Variants in SLC4A10 observed in about 807,000 individuals in gnomAD.
SLC4A10 encodes sodium-driven chloride bicarbonate exchanger.
Under a neutral mutation model 137.7 loss-of-function variants are expected in SLC4A10, and 42 were observed. That is an observed-to-expected ratio of 0.30 (90% CI 0.24 to 0.39). The LOEUF is 0.39. Among genes scored for constraint, SLC4A10 ranks in the 10% least tolerant of loss-of-function variants. The pLI is 1.00. For synonymous variants in SLC4A10, 474 were observed against 464.1 expected, an observed-to-expected ratio of 1.02 and a Z score of -0.27; for missense variants, 925 against 1,355.0, an observed-to-expected ratio of 0.68 and a Z score of 4.98.
chr2:161,651,407 T>G (rs1432438383), intron 1 of SLC4A10: 3 of 152,286 alleles, frequency 2.0e-5, no homozygotes, highest in African/African-American at 7.2e-5. Context: ...GACAAGAACT[T>G]GAGACCCGCC....
chr2:161,736,220 A>G (rs919811876), intron 1 of SLC4A10, among the ~76,000 whole-genome samples: 1 of 152,122 alleles, frequency 6.6e-6, no homozygotes, highest in African/African-American at 2.4e-5. Flanking sequence ...TTTTAAAGCA[A>G]TGACTCTTAC....
At chr2:161,859,060 C>T (rs900621645) in intron 5 of SLC4A10, among the ~76,000 whole-genome samples, 4 of 151,992 alleles carry the variant, frequency 2.6e-5, no homozygotes, top group Non-Finnish European at 4.4e-5. Flanking sequence ...TATCATATTC[C>T]CCCCCACCTC....
intron 2 of SLC4A10, among the ~76,000 whole-genome samples, chr2:161,776,377 A>G (rs116827876): frequency 2.4e-4 from 37 of 152,006 alleles, no homozygotes; most frequent in African/African-American, 8.2e-4. Context: ...TCTGCCCCCA[A>G]TTCCTGTCAA....
intron 1 of SLC4A10, among the ~76,000 whole-genome samples, chr2:161,654,331 C>T (rs6758760): frequency 0.79 from 120,080 of 152,126 alleles, 47,708 homozygotes; most frequent in East Asian, 0.85. Context: ...GTGTAGGTTG[C>T]GTTTTCACTC....
At chr2:161,682,715 G>C (rs775468227) in intron 1 of SLC4A10, among the ~76,000 whole-genome samples, 47 of 152,076 alleles carry the variant, frequency 3.1e-4, no homozygotes, top group Non-Finnish European at 6.3e-4. Context: ...GCTGGGGTCA[G>C]ATGAAAAGCT....
chr2:161,956,091 C>A (rs1197433202), intron 19 of SLC4A10, among the ~76,000 whole-genome samples: 1 of 152,068 alleles, frequency 6.6e-6, no homozygotes, highest in African/African-American at 2.4e-5. Flanking sequence ...CTAATGAGTA[C>A]AAAAGAAACA....
chr2:161,939,189 G>T (rs545923188), intron 15 of SLC4A10, among the ~76,000 whole-genome samples: 2 of 152,074 alleles, frequency 1.3e-5, no homozygotes, highest in Non-Finnish European at 2.9e-5. Context: ...TGATTCTCCT[G>T]CCTCAGCCTC....
chr2:161,734,810 C>G (rs987354437), intron 1 of SLC4A10, among the ~76,000 whole-genome samples: 1 of 151,932 alleles, frequency 6.6e-6, no homozygotes, highest in Non-Finnish European at 1.5e-5. Flanking sequence ...TGCCTCCACC[C>G]GAATCATATC....
intron 2 of SLC4A10, among the ~76,000 whole-genome samples, chr2:161,787,597 A>G (rs1184596676): frequency 6.6e-6 from 1 of 152,078 alleles, no homozygotes; most frequent in Non-Finnish European, 1.5e-5. Context: ...CATCTTTCTC[A>G]AATATTTTGT....
At chr2:161,975,620 A>T (rs950967073) in intron 24 of SLC4A10, among the ~76,000 whole-genome samples, 2 of 152,174 alleles carry the variant, frequency 1.3e-5, no homozygotes, top group Non-Finnish European at 2.9e-5. Context: ...AGAGGAACTG[A>T]AGAACACATT....
chr2:161,631,472 C>G (rs896474880), intron 1 of SLC4A10, among the ~76,000 whole-genome samples: 2 of 151,590 alleles, frequency 1.3e-5, no homozygotes, highest in Non-Finnish European at 3.0e-5. Flanking sequence ...ACAAGAAATT[C>G]TTTACCACAA....
chr2:161,630,543 A>G (rs981977269), intron 1 of SLC4A10, among the ~76,000 whole-genome samples: 2 of 151,718 alleles, frequency 1.3e-5, no homozygotes, highest in African/African-American at 4.8e-5. Flanking sequence ...AAAGACATAA[A>G]GAGATATATT....
At chr2:161,857,823 G>A (rs2060191198) in intron 5 of SLC4A10, among the ~76,000 whole-genome samples, 1 of 152,058 alleles carries the variant, frequency 6.6e-6, no homozygotes, top group Non-Finnish European at 1.5e-5. Flanking sequence ...CAGATAAATA[G>A]AAAGTTCTTT....
At chr2:161,829,311 A>G (rs2058268062) in intron 3 of SLC4A10, among the ~76,000 whole-genome samples, 1 of 152,194 alleles carries the variant, frequency 6.6e-6, no homozygotes, top group Non-Finnish European at 1.5e-5. Context: ...TGGAATAGAT[A>G]CTATCCTACA....
chr2:161,950,622 G>C, intron 18 of SLC4A10, 65 bp from the exon 19 acceptor site: 2 of 1,489,360 alleles, frequency 1.3e-6, no homozygotes, highest in Non-Finnish European at 9.1e-7. Context: ...GCATCTGTAA[G>C]ACCTAATTTG....
chr2:161,865,184 G>T (rs2125900335), intron 6 of SLC4A10, among the ~76,000 whole-genome samples: 1 of 151,990 alleles, frequency 6.6e-6, no homozygotes, highest in Non-Finnish European at 1.5e-5. Context: ...TCAGGCAAGA[G>T]ACTACAGAAT....
chr2:161,781,461 T>A (rs989543985), intron 2 of SLC4A10, among the ~76,000 whole-genome samples: 1 of 152,082 alleles, frequency 6.6e-6, no homozygotes, highest in Non-Finnish European at 1.5e-5. Flanking sequence ...GGTTTCGAGA[T>A]GAATGTTTCA....
intron 1 of SLC4A10, among the ~76,000 whole-genome samples, chr2:161,697,681 C>T (rs987355409): frequency 1.1e-4 from 17 of 152,224 alleles, no homozygotes; most frequent in Non-Finnish European, 2.2e-4. Context: ...GTTTTGGTAC[C>T]AGTACCATGC....
At chr2:161,841,277 C>T (rs1424966161) in intron 4 of SLC4A10, among the ~76,000 whole-genome samples, 1 of 151,980 alleles carries the variant, frequency 6.6e-6, no homozygotes, top group Admixed American at 6.6e-5. Context: ...AGGGTTTCAC[C>T]ATGTTGGCCA....
Sources: gnomAD v4.1 joint callset for allele counts (sites outside exome capture counted in the v4.1 genomes callset) on GRCh38, gnomAD v4.1.1 for gene constraint, MANE v1.5 for transcripts, NCBI Gene and HGNC (gene_info 2026-07-23, HGNC 2026-07-21) for gene names.